The following FRYL variants were observed in gnomAD, a reference collection of about 807,000 sequenced individuals.
FRYL encodes FRY like transcription coactivator, also known as protein furry homolog-like.
Under a neutral mutation model 351.2 loss-of-function variants are expected in FRYL, and 150 were observed. The observed-to-expected ratio is 0.43, with a 90% CI of 0.37 to 0.49. The LOEUF (loss-of-function observed/expected upper bound fraction) is 0.49, where lower values mean the gene tolerates loss of function less well. FRYL is among the 20% of genes least tolerant of loss of function. FRYL has a pLI of 0.00. For synonymous variants in FRYL, 1,153 were observed against 1,257.1 expected (o/e 0.92, Z 1.75); for missense variants, 3,036 against 3,619.3 (o/e 0.84, Z 4.13).
In FRYL at chr4:48,581,483, C is replaced by T. The variant is rs1402950451; in HGVS notation, c.2109G>A (p.Arg703=). The T allele has an allele frequency of 1.2e-6, 2 of 1,613,984 alleles. No homozygotes were observed. The highest frequency in any genetic ancestry group is 1.7e-4 in the Middle Eastern group (1 of 6,056). ...VILCSSRPAT[R]RLAVSVLREI... ...CTCTAAGGACACTGACGGCTAGTCT[C>T]CTAGTGGCAGGTCGACTGCTACAGA... Residue 703 remains arginine, a synonymous_variant, in exon 21 of 64, where the codon AGG becomes AGA. Transcript: ENST00000358350.
In FRYL at chr4:48,553,276, G is replaced by A. The variant is rs972399685; in HGVS notation, c.4374C>T (p.His1458=). The change falls in exon 36 of 64, where the codon CAC becomes CAT. Residue 1458 remains histidine, a synonymous_variant. Transcript: ENST00000358350. ...TGCGATAATACGGGGGATTATCCAT[G>A]TGAGTGACCCCTGAACTGACAGGAT... ...LTDPVSSGVT[H]MDNPPYYRIT... is the part of the protein sequence containing the mutation. The A allele has an allele frequency of 1.2e-6, 2 of 1,613,566 alleles. No homozygotes were observed. The highest frequency in any genetic ancestry group is 2.7e-5 in the African/African-American group (2 of 74,906).
chr4:48,578,593 A>C (rs528094098), intron 23 of FRYL, among the ~76,000 whole-genome samples: 1 of 152,152 alleles, frequency 6.6e-6, no homozygotes, highest in African/African-American at 2.4e-5. Context: ...CATCGGGAAA[A>C]GTAAGGCCAC....
intron 11 of FRYL, among the ~76,000 whole-genome samples, chr4:48,604,327 G>A (rs1438130851): frequency 6.6e-6 from 1 of 152,188 alleles, no homozygotes; most frequent in East Asian, 1.9e-4. Context: ...CAAAGGCCTA[G>A]TATTATGGGT....
In FRYL at chr4:48,549,622, A is replaced by G; in HGVS notation, c.4635T>C (p.Ser1545=). 6.2e-7 allele frequency: 1 copy of G among 1,608,240 alleles called. No homozygotes were observed. The highest frequency in any genetic ancestry group is 8.5e-7 in the Non-Finnish European group (1 of 1,176,768). The change falls in exon 39 of 64, where the codon AGT becomes AGC. Residue 1545 remains serine (S), a splice_region_variant and synonymous_variant. Transcript: ENST00000358350. The surrounding 1 kb of genome is among the most constrained non-coding windows in gnomAD (Gnocchi z 4.2). ...SSGGSYEEEK[S]DSMPLYSNWR... is the part of the protein sequence containing the mutation. ...AATTAGAATAAAGTGGCATTGAATC[A>G]CCTATCAAGATAAAATGATCTCATT...
chr4:48,617,168 A>G (rs188936819), intron 7 of FRYL, among the ~76,000 whole-genome samples: 32 of 152,198 alleles, frequency 2.1e-4, no homozygotes, highest in Admixed American at 1.0e-3. Context: ...GAGGGGAAGA[A>G]GTAAGTAGAA....
At chr4:48,623,490 T>C (rs1347810872) in intron 4 of FRYL, among the ~76,000 whole-genome samples, 1 of 152,212 alleles carries the variant, frequency 6.6e-6, no homozygotes, top group African/African-American at 2.4e-5. Context: ...AAGTTCAACA[T>C]AGGTTTTGTT....
chr4:48,598,688 G>GT (rs1198322413), intron 13 of FRYL: 1 of 176,434 alleles, frequency 5.7e-6, no homozygotes, highest in African/African-American at 2.4e-5. Context: ...TCTGCTGTGT[G>GT]CTACTCTTCT....
At chr4:48,739,472 C>G (rs1771811734) in intron 1 of FRYL, among the ~76,000 whole-genome samples, 1 of 151,228 alleles carries the variant, frequency 6.6e-6, no homozygotes, top group Admixed American at 6.6e-5. Context: ...GAAAAGATAG[C>G]CTTTTGAACA....
In FRYL at chr4:48,705,599, C is replaced by T. The variant is rs548272974; in HGVS notation, c.-204+4920G>A. On this transcript the variant is annotated intron_variant, in intron 2 of 63. Coordinates refer to ENST00000358350, the MANE Select transcript of FRYL (RefSeq NM_015030.2). ...AGTTTCTAGAATATGAGTACTTATA[C>T]GGAGAAGAAAACAGAATTTGACTTT... Among the ~76,000 whole-genome samples, 539 of 144,932 alleles carry T rather than the reference C, an allele frequency of 3.7e-3. 1 individual carries two copies. The highest frequency in any genetic ancestry group is 5.8e-3 in the Non-Finnish European group (384 of 66,688).
In FRYL at chr4:48,556,909, A is replaced by G. The variant is rs1430731141; in HGVS notation, c.4266+69T>C. 2.9e-6 allele frequency: 4 copies of G among 1,368,886 alleles called. No individual in the cohort carries two copies. The Admixed American group carries it at 8.3e-5, about 28-fold the overall frequency. The allele number at this position is 1,368,886 out of a possible 1,614,324, so 84.8% of individuals were successfully genotyped here. A position where few individuals can be genotyped will look rare whatever the true frequency, so the allele number is the denominator to read the frequency against. ...CCTCTCCTGGGCAACTGCTGCCCAT[A>G]CTCTGACATCACAAGATACTAGTAA... On this transcript the variant is annotated intron_variant, in intron 35 of 63. Coordinates refer to ENST00000358350, the MANE Select transcript of FRYL (RefSeq NM_015030.2).
Position 48,521,053 on chromosome 4 carries a change from G to T in FRYL, c.7684C>A (p.Pro2562Thr). 1 of 1,608,758 alleles carries T rather than the reference G, an allele frequency of 6.2e-7. No individual in the cohort carries two copies. Among genetic ancestry groups the T allele is most frequent in the Non-Finnish European group, 8.5e-7 (1 of 1,177,276 alleles). Residue 2562 changes from proline to threonine, a missense_variant, in exon 55 of 64, where the codon CCT (proline) becomes ACT (threonine). Around this residue, in one of 7 missense-constraint regions of FRYL, gnomAD observed 1,987 missense variants for 2,311.7 expected, o/e 0.86. Transcript: ENST00000358350. ...CAGCCTCCATTTCTCCCCACCTCAG[G>T]CAGCCGGCTGTTAGCATTATCTAGA... ...ASLDNANSRL[P>T]EDTTSVLKEE...
rs1162676730 is a variant in FRYL, at chr4:48,540,350, C to A, written c.6295+3G>T. 1 of 1,609,996 alleles carries A rather than the reference C, an allele frequency of 6.2e-7. No homozygotes were observed. ...AGTGCTGGTGCAATTATATTAACAT[C>A]ACCTGACAATTGGGAAGGATCCACC... On this transcript the variant is annotated splice_donor_region_variant and intron_variant, in intron 46 of 63. Coordinates refer to ENST00000358350, the MANE Select transcript of FRYL (RefSeq NM_015030.2).
intron 29 of FRYL, 60 bp downstream of exon 29, chr4:48,565,471 G>C: frequency 7.7e-7 from 1 of 1,306,456 alleles, no homozygotes; most frequent in African/African-American, 1.5e-5. Flanking sequence ...GTGACTGAGA[G>C]ACTTAAAAAT....
chr4:48,723,280 C>T (rs1769695052), intron 1 of FRYL, among the ~76,000 whole-genome samples: 1 of 152,026 alleles, frequency 6.6e-6, no homozygotes, highest in African/African-American at 2.4e-5. Flanking sequence ...GTAGCTGCAA[C>T]TAAAGGCATA....
intron 4 of FRYL, among the ~76,000 whole-genome samples, chr4:48,631,742 T>G (rs1753005633): frequency 6.6e-6 from 1 of 151,726 alleles, no homozygotes; most frequent in South Asian, 2.1e-4. Flanking sequence ...ATGACTAAGT[T>G]AGAGGGAATA....
intron 63 of FRYL, 132 bp from the exon 64 acceptor site, chr4:48,499,812 A>G (rs748655137): frequency 6.8e-5 from 63 of 930,648 alleles, no homozygotes; most frequent in Non-Finnish European, 9.3e-5. Context: ...TTGAGCAAAT[A>G]TTACTCAAAG....
At chr4:48,551,965 T>TC (rs1732870233) in intron 36 of FRYL, among the ~76,000 whole-genome samples, 1 of 152,142 alleles carries the variant, frequency 6.6e-6, no homozygotes, top group Non-Finnish European at 1.5e-5. Flanking sequence ...AGTAACTGGT[T>TC]CCCCAAATCT....
chr4:48,607,395 CTTTT>C (rs1747088957), intron 9 of FRYL, among the ~76,000 whole-genome samples: 1 of 152,132 alleles, frequency 6.6e-6, no homozygotes, highest in Non-Finnish European at 1.5e-5. Context: ...AATATAACAT[CTTTT>C]TTTATTTTAA....
At chr4:48,690,401 T>C (rs1392113635) in intron 2 of FRYL, among the ~76,000 whole-genome samples, 1 of 152,152 alleles carries the variant, frequency 6.6e-6, no homozygotes, top group Non-Finnish European at 1.5e-5. Flanking sequence ...ATGTATTCAG[T>C]GGCTTCATAT....
Sources: allele counts gnomAD v4.1 joint callset (sites outside exome capture counted in the v4.1 genomes callset), GRCh38; gene constraint gnomAD v4.1.1; regional missense constraint gnomAD v4.1.1; non-coding constraint Gnocchi (gnomAD v3.1); transcripts MANE v1.5; gene names NCBI Gene and HGNC (gene_info 2026-07-23, HGNC 2026-07-21).